The following GRID2 variants were observed in gnomAD, a reference collection of about 807,000 sequenced individuals.
GRID2 encodes the protein glutamate receptor ionotropic, delta-2.
In GRID2, 33 loss-of-function variants were observed where a neutral mutation model predicts 114.8. The ratio of observed to expected loss-of-function variants is 0.29; its 90% CI spans 0.22 to 0.38. GRID2 has a LOEUF of 0.38. Among genes scored for constraint, GRID2 ranks in the 10% least tolerant of loss-of-function variants. GRID2 has a pLI of 1.00. For missense variants in GRID2, 1,184 were observed against 1,257.7 expected, an observed-to-expected ratio of 0.94 and a Z score of 0.89; for synonymous variants, 505 against 449.9, an observed-to-expected ratio of 1.12 and a Z score of -1.55.
chr4:93,415,675 C>T (rs1767632469), intron 9 of GRID2, among the ~76,000 whole-genome samples: 1 of 151,948 alleles, frequency 6.6e-6, no homozygotes, highest in Admixed American at 6.6e-5. Context: ...TTGTCTTGTC[C>T]ACTCTCCACT....
At chr4:93,674,586 C>T (rs1268947590) in intron 14 of GRID2, among the ~76,000 whole-genome samples, 5 of 150,826 alleles carry the variant, frequency 3.3e-5, no homozygotes, top group Non-Finnish European at 5.9e-5. Context: ...AGTGTCTGAT[C>T]ACATTTGACC....
intron 9 of GRID2, among the ~76,000 whole-genome samples, chr4:93,414,906 A>G (rs1767554996): frequency 6.6e-6 from 1 of 151,962 alleles, no homozygotes; most frequent in Non-Finnish European, 1.5e-5. Flanking sequence ...AATGCCACTA[A>G]TCCTGAAACA....
intron 2 of GRID2, among the ~76,000 whole-genome samples, chr4:92,979,190 C>A (rs1754042968): frequency 6.6e-6 from 1 of 151,702 alleles, no homozygotes; most frequent in Non-Finnish European, 1.5e-5. Context: ...ACAAAAAAAC[C>A]TAAAATATGT....
intron 1 of GRID2, among the ~76,000 whole-genome samples, chr4:92,525,021 T>C (rs2149143577): frequency 6.6e-6 from 1 of 152,062 alleles, no homozygotes; most frequent in East Asian, 2.0e-4. Flanking sequence ...AATGTGATAA[T>C]GAGAGAGTAT....
chr4:92,406,018 G>A (rs1052688874), intron 1 of GRID2, among the ~76,000 whole-genome samples: 30 of 152,140 alleles, frequency 2.0e-4, no homozygotes, highest in Admixed American at 2.0e-3. Context: ...GAAGTATCCA[G>A]CATGGAAGAG....
At chr4:92,811,270 A>G (rs1007667973) in intron 2 of GRID2, among the ~76,000 whole-genome samples, 1 of 152,176 alleles carries the variant, frequency 6.6e-6, no homozygotes, top group African/African-American at 2.4e-5. Context: ...ATAGTAAAAC[A>G]TATCCATACC....
chr4:93,381,513 T>C (rs1474958355), intron 8 of GRID2, among the ~76,000 whole-genome samples: 1 of 152,146 alleles, frequency 6.6e-6, no homozygotes, highest in Non-Finnish European at 1.5e-5. Context: ...TGTCTTCTTT[T>C]GTGTTTAGTT....
At chr4:93,386,992 T>C (rs1012208933) in intron 8 of GRID2, among the ~76,000 whole-genome samples, 3 of 152,076 alleles carry the variant, frequency 2.0e-5, no homozygotes, top group East Asian at 1.9e-4. Context: ...CTGCAGCACA[T>C]TGTCTGTGCA....
intron 8 of GRID2, among the ~76,000 whole-genome samples, chr4:93,297,773 T>A (rs1447825903): frequency 6.6e-6 from 1 of 152,254 alleles, no homozygotes; most frequent in Non-Finnish European, 1.5e-5. Context: ...ATAGTACAAC[T>A]TGTCTTTTTA....
intron 14 of GRID2, among the ~76,000 whole-genome samples, chr4:93,655,888 A>G (rs1187334201): frequency 6.6e-6 from 1 of 152,026 alleles, no homozygotes; most frequent in African/African-American, 2.4e-5. Context: ...ATATACACCA[A>G]TGGGATTCAG....
chr4:92,988,941 T>G (rs1754674971), intron 2 of GRID2, among the ~76,000 whole-genome samples: 1 of 152,020 alleles, frequency 6.6e-6, no homozygotes, highest in South Asian at 2.1e-4. Context: ...ATATTTTAGG[T>G]CAACTTCAAT....
chr4:93,611,005 C>G (rs896627887), intron 13 of GRID2, among the ~76,000 whole-genome samples: 2 of 131,090 alleles, frequency 1.5e-5, no homozygotes, highest in African/African-American at 3.2e-5. Flanking sequence ...TGTTATTGGT[C>G]TATTCAGAGA....
chr4:92,838,160 T>G (rs1004747579), intron 2 of GRID2, among the ~76,000 whole-genome samples: 6 of 152,058 alleles, frequency 3.9e-5, no homozygotes, highest in Non-Finnish European at 7.4e-5. Flanking sequence ...TAGAAAGTAA[T>G]CCCTGTGGAG....
rs191816393 is a variant in GRID2, at chr4:93,320,220, G to A, written c.1246-75387G>A. Among the ~76,000 whole-genome samples the A allele has an allele frequency of 0.04, 6,117 of 151,996 alleles. 820 individuals carry two copies. In the East Asian group the frequency reaches 0.49, roughly 12 times the overall value. ...TGAAGTAAGTGGAGGATAAGGGGTG[G>A]ACAGGTAATCATGTCAGCGATGATT... On this transcript the variant is annotated intron_variant, in intron 8 of 15. Coordinates refer to ENST00000282020, the MANE Select transcript of GRID2 (RefSeq NM_001510.4).
chr4:93,754,404 A>G (rs116080479), intron 14 of GRID2, among the ~76,000 whole-genome samples: 2,055 of 152,302 alleles, frequency 0.013, 38 homozygotes, highest in African/African-American at 0.047. Flanking sequence ...AATATCTACA[A>G]AGTGGATCTG....
intron 2 of GRID2, among the ~76,000 whole-genome samples, chr4:92,600,661 C>G (rs879790191): frequency 6.6e-6 from 1 of 152,106 alleles, no homozygotes; most frequent in Non-Finnish European, 1.5e-5. Flanking sequence ...GTGGTTTGCT[C>G]GGGGTCCACT....
chr4:92,796,623 T>C (rs1473441050), intron 2 of GRID2, among the ~76,000 whole-genome samples: 1 of 151,948 alleles, frequency 6.6e-6, no homozygotes, highest in Non-Finnish European at 1.5e-5. Flanking sequence ...TAGGGCACTT[T>C]TGTCTGCATT....
intron 1 of GRID2, among the ~76,000 whole-genome samples, chr4:92,318,064 C>T (rs1177637132): frequency 6.6e-6 from 1 of 151,876 alleles, no homozygotes; most frequent in Non-Finnish European, 1.5e-5. Flanking sequence ...CCCTGTTGAC[C>T]TCCTGTTGAT....
chr4:92,887,962 T>G (rs189834243), intron 2 of GRID2, among the ~76,000 whole-genome samples: 1 of 152,324 alleles, frequency 6.6e-6, no homozygotes, highest in Admixed American at 6.5e-5. Flanking sequence ...ATCTGTTTCC[T>G]AGTGCTTAAC....
Sources: allele counts gnomAD v4.1 joint callset (sites outside exome capture counted in the v4.1 genomes callset), GRCh38; gene constraint gnomAD v4.1.1; transcripts MANE v1.5; gene names NCBI Gene and HGNC (gene_info 2026-07-23, HGNC 2026-07-21).